The following UBE2W variants were observed in gnomAD, a reference collection of about 807,000 sequenced individuals.
UBE2W encodes ubiquitin-conjugating enzyme E2 W.
UBE2W carries 18 observed loss-of-function variants against 27.2 expected under a neutral mutation model. The observed-to-expected ratio is 0.66, with a 90% CI of 0.46 to 0.98. The LOEUF (loss-of-function observed/expected upper bound fraction) is 0.98, where lower values mean the gene tolerates loss of function less well. Ranked by LOEUF, UBE2W falls within the 50% of genes least tolerant of loss-of-function variation. The probability of loss-of-function intolerance (pLI) is 0.00; values close to 1 mark genes in which losing one functional copy is unlikely to be tolerated. For missense variants in UBE2W, 90 were observed against 180.2 expected, an observed-to-expected ratio of 0.50 and a Z score of 2.87; for synonymous variants, 53 against 57.2, an observed-to-expected ratio of 0.93 and a Z score of 0.33.
chr8:73,876,353 C>G (rs797006779), intron 1 of UBE2W, among the ~76,000 whole-genome samples: 22 of 151,960 alleles, frequency 1.4e-4, no homozygotes, highest in African/African-American at 5.3e-4. Flanking sequence ...AACAAAGATA[C>G]AGAATAACCA....
intron 3 of UBE2W, among the ~76,000 whole-genome samples, chr8:73,824,499 G>C (rs951152269): frequency 6.6e-6 from 1 of 152,170 alleles, no homozygotes; most frequent in Non-Finnish European, 1.5e-5. Flanking sequence ...TCTGACCTAG[G>C]AGAAGTGCCT....
chr8:73,860,206 C>T (rs867798333), intron 1 of UBE2W, among the ~76,000 whole-genome samples: 1 of 152,064 alleles, frequency 6.6e-6, no homozygotes, highest in Non-Finnish European at 1.5e-5. Flanking sequence ...GAATTACCAA[C>T]CAAATATTAA....
intron 5 of UBE2W, among the ~76,000 whole-genome samples, chr8:73,804,121 G>A (rs941660687): frequency 2.6e-5 from 4 of 151,700 alleles, no homozygotes; most frequent in African/African-American, 4.8e-5. Flanking sequence ...GCACTGACTC[G>A]GGTCATCTTT....
chr8:73,832,610 T>A (rs1040143164), intron 1 of UBE2W, among the ~76,000 whole-genome samples: 4 of 152,250 alleles, frequency 2.6e-5, no homozygotes, highest in African/African-American at 9.6e-5. Flanking sequence ...CAAGACATCA[T>A]AGCTACTATA....
intron 1 of UBE2W, among the ~76,000 whole-genome samples, chr8:73,877,652 T>G (rs1812288737): frequency 6.6e-6 from 1 of 151,858 alleles, no homozygotes; most frequent in South Asian, 2.1e-4. Context: ...TCTAAGAAAA[T>G]GTGGTCTCTT....
chr8:73,840,298 C>T (rs1349928896), intron 1 of UBE2W, among the ~76,000 whole-genome samples: 4 of 152,178 alleles, frequency 2.6e-5, no homozygotes, highest in African/African-American at 4.8e-5. Flanking sequence ...CCTCGTGATC[C>T]GCCTGCCTTG....
chr8:73,820,483 T>C (rs1227626417), intron 3 of UBE2W, among the ~76,000 whole-genome samples: 4 of 152,020 alleles, frequency 2.6e-5, no homozygotes, highest in African/African-American at 9.7e-5. Flanking sequence ...GTGCCTATGA[T>C]CCCAGTACTT....
chr8:73,799,456 T>TG (rs1484200001), intron 5 of UBE2W, among the ~76,000 whole-genome samples: 1 of 152,210 alleles, frequency 6.6e-6, no homozygotes, highest in East Asian at 1.9e-4. Flanking sequence ...CACTGGTATT[T>TG]GGCAGCTCAG....
intron 1 of UBE2W, among the ~76,000 whole-genome samples, chr8:73,835,044 A>G (rs1203266487): frequency 6.6e-6 from 1 of 152,200 alleles, no homozygotes; most frequent in Non-Finnish European, 1.5e-5. Context: ...GAAATCTTCC[A>G]GATCTTGAGA....
At chr8:73,846,660 A>T (rs1057090056) in intron 1 of UBE2W, among the ~76,000 whole-genome samples, 1 of 152,114 alleles carries the variant, frequency 6.6e-6, no homozygotes, top group Non-Finnish European at 1.5e-5. Context: ...TAAATTTTGG[A>T]TGGGATAAGA....
intron 1 of UBE2W, among the ~76,000 whole-genome samples, chr8:73,856,019 T>A (rs1394545500): frequency 1.3e-5 from 2 of 152,212 alleles, no homozygotes; most frequent in Admixed American, 1.3e-4. Flanking sequence ...CATTATGTTT[T>A]AGTACTTTTC....
Position 73,791,318 on chromosome 8 carries a change from T to C in UBE2W, c.*2784A>G. ...TGTTCATGATCTAAGCATGCATAAA[T>C]AAGGAAGCAAATGTATCACTGTCTT... On this transcript the variant is annotated 3_prime_UTR_variant, in exon 6 of 6. Coordinates refer to ENST00000602593, the MANE Select transcript of UBE2W (RefSeq NM_018299.6). The C allele has an allele frequency of 1.0e-6, 1 of 976,926 alleles. No individual in the cohort carries two copies. Among genetic ancestry groups the C allele is most frequent in the Non-Finnish European group, 1.2e-6 (1 of 828,328 alleles). 60.5% of individuals were successfully genotyped at this position (976,926 alleles called of 1,614,324 possible). A position where few individuals can be genotyped will look rare whatever the true frequency, so the allele number is the denominator to read the frequency against.
intron 1 of UBE2W, among the ~76,000 whole-genome samples, chr8:73,837,467 C>G (rs578167876): frequency 7.8e-4 from 119 of 151,944 alleles, no homozygotes; most frequent in Non-Finnish European, 2.6e-4. Context: ...GAGCCAAGAT[C>G]GTGCCACTGC....
At chr8:73,808,515 G>A (rs548320195) in intron 4 of UBE2W, among the ~76,000 whole-genome samples, 11 of 152,330 alleles carry the variant, frequency 7.2e-5, no homozygotes, top group African/African-American at 2.2e-4. Flanking sequence ...TTACAGGCGT[G>A]AGCCACTGCA....
At chr8:73,847,659 TGGGAGGCC>T (rs1367570326) in intron 1 of UBE2W, among the ~76,000 whole-genome samples, 1 of 152,162 alleles carries the variant, frequency 6.6e-6, no homozygotes, top group Non-Finnish European at 1.5e-5. Flanking sequence ...CCCAGCACTT[TGGGAGGCC>T]AAGGCAGGTG....
At position 73,787,231 on chromosome 8, in the gene UBE2W, C is replaced by A; in HGVS notation, c.*6871G>T. ...CACAGTGGCTTTGAGCTTTGTTGTC[C>A]AAGTACACAAAACTCTTAGCTGTCT... On this transcript the variant is annotated 3_prime_UTR_variant, in exon 6 of 6. Coordinates refer to ENST00000602593, the MANE Select transcript of UBE2W (RefSeq NM_018299.6). The A allele has an allele frequency of 1.0e-6, 1 of 985,378 alleles. No individual in the cohort carries two copies. The highest frequency in any genetic ancestry group is 4.7e-5 in the South Asian group (1 of 21,278). The allele number at this position is 985,378 out of a possible 1,614,324, so 61.0% of individuals were successfully genotyped here.
At chr8:73,810,747 C>G in intron 3 of UBE2W, 118 bp from the exon 4 acceptor site, 3 of 722,622 alleles carry the variant, frequency 4.2e-6, no homozygotes, top group Non-Finnish European at 6.1e-6. Flanking sequence ...AAAATCAGTG[C>G]CAGGAACATG....
chr8:73,832,846 A>C (rs1046616653), intron 1 of UBE2W, among the ~76,000 whole-genome samples: 9 of 152,152 alleles, frequency 5.9e-5, no homozygotes, highest in Admixed American at 4.6e-4. Flanking sequence ...CTTGAGTTAA[A>C]AGTGCTTAAA....
intron 4 of UBE2W, 119 bp downstream of exon 4, chr8:73,810,355 T>C (rs1809103334): frequency 9.7e-7 from 1 of 1,032,340 alleles, no homozygotes. Flanking sequence ...AAATTCCCTA[T>C]AATTTTCAAA....
Sources: gnomAD v4.1 joint callset for allele counts (sites outside exome capture counted in the v4.1 genomes callset) on GRCh38, gnomAD v4.1.1 for gene constraint, MANE v1.5 for transcripts, NCBI Gene and HGNC (gene_info 2026-07-23, HGNC 2026-07-21) for gene names.